NDUFV2: variants seen among roughly 807,000 people sequenced by gnomAD.
NDUFV2 encodes NADH:ubiquinone oxidoreductase core subunit V2, also known as NADH dehydrogenase [ubiquinone] flavoprotein 2, mitochondrial.
In NDUFV2, 18 loss-of-function variants were observed where a neutral mutation model predicts 31.6. The observed-to-expected ratio is 0.57, with a 90% CI of 0.39 to 0.84. The LOEUF (loss-of-function observed/expected upper bound fraction) is 0.84, where lower values mean the gene tolerates loss of function less well. Among genes scored for constraint, NDUFV2 ranks in the 40% least tolerant of loss-of-function variants. NDUFV2 has a pLI of 0.00. For missense variants in NDUFV2, 314 were observed against 303.6 expected (o/e 1.03, Z -0.26); for synonymous variants, 83 against 99.8 (o/e 0.83, Z 1.01).
At chr18:9,116,883 T>C (rs1468792548) in intron 1 of NDUFV2, among the ~76,000 whole-genome samples, 44 of 152,202 alleles carry the variant, frequency 2.9e-4, no homozygotes, top group African/African-American at 2.4e-5. Context: ...AGAACAGTAG[T>C]TGAAATACTT....
chr18:9,122,036 A>C (rs1339597067), intron 4 of NDUFV2, among the ~76,000 whole-genome samples: 1 of 152,106 alleles, frequency 6.6e-6, no homozygotes, highest in Non-Finnish European at 1.5e-5. Context: ...TTGATTTTCA[A>C]CCTTTTTTTC....
Position 9,124,801 on chromosome 18 carries a change from CTT to C in NDUFV2, c.470-60_470-59del, listed in dbSNP as rs35039643. The stretch of plus-strand genomic sequence containing the variant: ...CTTTTAATATACCTCTATAAAAATT[CTT>C]TTTTTTTTTTTTAAACCAAATGACT... On this transcript the variant is annotated intron_variant, in intron 5 of 7. Coordinates refer to ENST00000318388, the MANE Select transcript of NDUFV2 (RefSeq NM_021074.5). 0.083 allele frequency: 95,612 copies of C among 1,155,178 alleles called. 1 individual carries two copies. The highest frequency in any genetic ancestry group is 0.15 in the South Asian group (8,970 of 60,512). 71.6% of individuals were successfully genotyped at this position (1,155,178 alleles called of 1,614,324 possible).
At chr18:9,104,513 T>C (rs544789108) in intron 1 of NDUFV2, among the ~76,000 whole-genome samples, 1 of 152,212 alleles carries the variant, frequency 6.6e-6, no homozygotes, top group East Asian at 1.9e-4. Flanking sequence ...GAAAAGAAAT[T>C]AGAGTGCTTG....
intron 1 of NDUFV2, chr18:9,104,889 G>T: frequency 1.4e-6 from 2 of 1,477,580 alleles, no homozygotes; most frequent in Non-Finnish European, 1.8e-6. Context: ...ATCATCCATT[G>T]TCTTGTCAAC....
chr18:9,132,246 C>G (rs1418073464), intron 7 of NDUFV2: 2 of 152,112 alleles, frequency 1.3e-5, no homozygotes, highest in African/African-American at 2.4e-5. Flanking sequence ...ATTTATTGTT[C>G]CGGAAACTTC....
chr18:9,114,445 C>CT lies in NDUFV2; in HGVS notation c.55-3373dup, dbSNP rs58160760. 4.7e-3 allele frequency among the ~76,000 whole-genome samples: 633 copies of CT among 135,866 alleles called. 13 individuals carry two copies. The highest frequency in any genetic ancestry group is 0.036 in the Admixed American group (492 of 13,782). The allele number at this position is 135,866 out of a possible 152,430, so 89.1% of individuals were successfully genotyped here. ...AGTTTTAAAATGCAGTTGTTTGGATCTTTTTTTTTTTTTTTTTTTTAGTTA... is the reference window on the plus strand; with the variant it reads ...AGTTTTAAAATGCAGTTGTTTGGATCTTTTTTTTTTTTTTTTTTTTTAGTTA... On this transcript the variant is annotated intron_variant, in intron 1 of 7. Transcript: ENST00000318388.
intron 1 of NDUFV2, among the ~76,000 whole-genome samples, chr18:9,116,609 C>G (rs541666623): frequency 6.6e-6 from 1 of 152,166 alleles, no homozygotes; most frequent in African/African-American, 2.4e-5. Context: ...ATCTTTTGTA[C>G]GTGTGTCTCA....
chr18:9,119,937 C>A (rs988190930), intron 4 of NDUFV2, among the ~76,000 whole-genome samples: 1 of 151,652 alleles, frequency 6.6e-6, no homozygotes, highest in African/African-American at 2.4e-5. Context: ...ACTAGAATTA[C>A]AGAAAAGAAG....
At chr18:9,117,961 AT>A in intron 2 of NDUFV2, 58 bp downstream of exon 2, 1 of 1,229,264 alleles carries the variant, frequency 8.1e-7, no homozygotes, top group Non-Finnish European at 1.2e-6. Flanking sequence ...GGGTAAATCC[AT>A]TGTAAAAATC....
chr18:9,127,631 C>T (rs1321841594), intron 7 of NDUFV2, among the ~76,000 whole-genome samples: 1 of 152,080 alleles, frequency 6.6e-6, no homozygotes, highest in Admixed American at 6.6e-5. Flanking sequence ...GCCACCACGC[C>T]CGGCTAATTT....
rs2077918031 is a variant in NDUFV2 at position 9,119,406 on chromosome 18, T to C, written c.183+18T>C. On this transcript the variant is annotated intron_variant, in intron 3 of 7. Coordinates refer to ENST00000318388, the MANE Select transcript of NDUFV2 (RefSeq NM_021074.5). ...ACTATAAGGTATGGCTAAATTAACA[T>C]TATAATTAATTTACCAAATAGGTAA... The C allele has an allele frequency of 6.3e-7, 1 of 1,599,646 alleles. No individual in the cohort carries two copies. Among genetic ancestry groups the C allele is most frequent in the African/African-American group, 1.3e-5 (1 of 74,526 alleles).
intron 1 of NDUFV2, 151 bp downstream of exon 1, chr18:9,102,948 C>A (rs1489462451): frequency 4.4e-6 from 3 of 689,242 alleles, no homozygotes; most frequent in Non-Finnish European, 6.7e-6. Flanking sequence ...TTAGGGAGGC[C>A]GCTGCAGCCC....
At chr18:9,123,058 G>A (rs1037983626) in intron 5 of NDUFV2, among the ~76,000 whole-genome samples, 3 of 152,154 alleles carry the variant, frequency 2.0e-5, no homozygotes, top group African/African-American at 7.2e-5. Context: ...AAGAAGTCAT[G>A]GAACAAATAA....
intron 1 of NDUFV2, among the ~76,000 whole-genome samples, chr18:9,104,721 A>T (rs1409233233): frequency 1.3e-5 from 1 of 76,922 alleles, no homozygotes. Flanking sequence ...TCCCCCTTCC[A>T]CCCTCCCCCC....
intron 6 of NDUFV2, 71 bp downstream of exon 6, chr18:9,125,054 T>G: frequency 1.3e-6 from 2 of 1,493,378 alleles, no homozygotes; most frequent in South Asian, 1.2e-5. Flanking sequence ...TATTTGATTT[T>G]GTGTCCTTAG....
intron 4 of NDUFV2, chr18:9,121,522 G>C (rs561291086): frequency 6.6e-6 from 1 of 152,286 alleles, no homozygotes; most frequent in South Asian, 2.1e-4. Context: ...TGTCTTTTGA[G>C]AATATATTTC....
At chr18:9,131,341 G>A (rs2078038798) in intron 7 of NDUFV2, among the ~76,000 whole-genome samples, 1 of 152,094 alleles carries the variant, frequency 6.6e-6, no homozygotes, top group Non-Finnish European at 1.5e-5. Context: ...GTCAGCTGTA[G>A]TCTCTTAATC....
intron 2 of NDUFV2, among the ~76,000 whole-genome samples, chr18:9,118,797 T>G (rs2077912397): frequency 7.1e-6 from 1 of 141,688 alleles, no homozygotes; most frequent in Non-Finnish European, 1.5e-5. Context: ...ATGGAAAACG[T>G]GGGAAAGAGA....
chr18:9,111,526 T>G (rs1321119135), intron 1 of NDUFV2, among the ~76,000 whole-genome samples: 3 of 151,818 alleles, frequency 2.0e-5, no homozygotes, highest in African/African-American at 2.4e-5. Context: ...CATCCTGAGT[T>G]CAAGCGATTC....
Sources: gnomAD v4.1 joint callset for allele counts (sites outside exome capture counted in the v4.1 genomes callset) on GRCh38, gnomAD v4.1.1 for gene constraint, MANE v1.5 for transcripts, NCBI Gene and HGNC (gene_info 2026-07-23, HGNC 2026-07-21) for gene names.